EXTL3: variants seen among roughly 807,000 people sequenced by gnomAD.
EXTL3 encodes the protein exostosin-like 3.
In EXTL3, 27 loss-of-function variants were observed where a neutral mutation model predicts 69.3. The observed-to-expected ratio is 0.39, with a 90% CI of 0.29 to 0.54. EXTL3 has a LOEUF of 0.54. EXTL3 is among the 20% of genes least tolerant of loss of function. EXTL3 has a pLI of 0.69. For synonymous variants in EXTL3, 511 were observed against 499.4 expected (o/e 1.02, Z -0.31); for missense variants, 1,003 against 1,231.8 (o/e 0.81, Z 2.78).
chr8:28,742,746 T>TTG, intron 5 of EXTL3: 1 of 271,894 alleles, frequency 3.7e-6, no homozygotes, highest in Non-Finnish European at 7.2e-6. Flanking sequence ...TTTTTTTTTT[T>TTG]GGCCATTGTT....
At chr8:28,661,349 A>G (rs1052375979) in intron 1 of EXTL3, among the ~76,000 whole-genome samples, 1 of 149,738 alleles carries the variant, frequency 6.7e-6, no homozygotes, top group Non-Finnish European at 1.5e-5. Flanking sequence ...TGTTTTATAT[A>G]TATATATACA....
At chr8:28,743,019 T>G in intron 5 of EXTL3, 67 bp from the exon 6 acceptor site, 5 of 1,594,750 alleles carry the variant, frequency 3.1e-6, no homozygotes, top group Non-Finnish European at 4.3e-6. Context: ...TCCATGCATA[T>G]TTTGGCTGAA....
Position 28,628,941 on chromosome 8 carries a change from C to T in EXTL3, c.-53+6131C>T, listed in dbSNP as rs553942554. Among the ~76,000 whole-genome samples the T allele has an allele frequency of 7.2e-5, 11 of 152,304 alleles. No individual in the cohort carries two copies. In the South Asian group the frequency reaches 2.3e-3, roughly 32 times the overall value. On this transcript the variant is annotated intron_variant, in intron 1 of 6. Coordinates refer to the EXTL3 transcript ENST00000523149. The stretch of plus-strand genomic sequence containing the variant: ...ACCAGGAAGATTAAAATGGGCATCT[C>T]ATAGATTCCAGCCCAAGGAAAGAAT...
intron 2 of EXTL3, among the ~76,000 whole-genome samples, chr8:28,611,989 G>C (rs1052681579): frequency 6.6e-6 from 1 of 152,182 alleles, no homozygotes; most frequent in Non-Finnish European, 1.5e-5. Context: ...CTTCACTGAC[G>C]TGTGCCCGCC....
At chr8:28,689,950 A>G (rs1362891473) in intron 1 of EXTL3, among the ~76,000 whole-genome samples, 1 of 152,192 alleles carries the variant, frequency 6.6e-6, no homozygotes, top group African/African-American at 2.4e-5. Context: ...AAGCCAGGGT[A>G]AAGGAGATCA....
At chr8:28,684,524 C>T (rs1807545558) in intron 1 of EXTL3, among the ~76,000 whole-genome samples, 1 of 152,076 alleles carries the variant, frequency 6.6e-6, no homozygotes, top group Admixed American at 6.6e-5. Flanking sequence ...GGGAGGATTG[C>T]TTGAGGATAG....
chr8:28,614,672 A>G (rs1372455473), intron 2 of EXTL3, among the ~76,000 whole-genome samples: 1 of 152,056 alleles, frequency 6.6e-6, no homozygotes, highest in East Asian at 1.9e-4. Flanking sequence ...TCTCCATTCA[A>G]TGCTATAAAT....
chr8:28,749,582 A>G (rs559597569), intron 6 of EXTL3, among the ~76,000 whole-genome samples: 1 of 152,294 alleles, frequency 6.6e-6, no homozygotes, highest in South Asian at 2.1e-4. Context: ...GTTCATGGCT[A>G]TCTTGCAGGA....
Position 28,717,964 on chromosome 8 carries a change from C to A in EXTL3, c.1905C>A (p.Gly635=). 6.2e-7 allele frequency: 1 copy of A among 1,614,206 alleles called. No homozygotes were observed. Residue 635 remains glycine (G), a synonymous_variant, in exon 3 of 7, where the codon GGC becomes GGA. Coordinates refer to ENST00000220562, the MANE Select transcript of EXTL3 (RefSeq NM_001440.4). The surrounding 1 kb of genome is among the most constrained non-coding windows in gnomAD (Gnocchi z 8.3). ...CCAAATTCTTGGGCTCAGGGACTGG[C>A]TTTCGGCCTATTGGTGGTGGAGCTG... ...SEAKFLGSGT[G]FRPIGGGAGG...
rs372252991 is a variant in EXTL3, at chr8:28,671,824, T to G, written c.-52-41633T>G. 7.4e-4 allele frequency among the ~76,000 whole-genome samples: 113 copies of G among 152,292 alleles called. 3 individuals are homozygous for G. The South Asian group carries it at 0.022, about 30-fold the overall frequency. ...AAATAACATTGTGGGCATGATTTCT[T>G]TATCGTACGGTGAATTCAGCCTTGC... is the stretch of plus-strand genomic sequence containing the variant. On this transcript the variant is annotated intron_variant, in intron 1 of 6. Coordinates refer to the EXTL3 transcript ENST00000523149.
At chr8:28,617,647 G>A (rs1430358047) in intron 2 of EXTL3, among the ~76,000 whole-genome samples, 1 of 152,180 alleles carries the variant, frequency 6.6e-6, no homozygotes, top group East Asian at 1.9e-4. Flanking sequence ...AGCCAGGTGT[G>A]ATGGCACATG....
intron 1 of EXTL3, among the ~76,000 whole-genome samples, chr8:28,703,650 A>G (rs1800859476): frequency 6.6e-6 from 1 of 152,032 alleles, no homozygotes; most frequent in Non-Finnish European, 1.5e-5. Flanking sequence ...TCCCTGATGT[A>G]GACTCAGGTG....
intron 1 of EXTL3, among the ~76,000 whole-genome samples, chr8:28,625,977 A>G (rs909745202): frequency 6.8e-5 from 9 of 132,156 alleles, no homozygotes; most frequent in Non-Finnish European, 1.1e-4. Flanking sequence ...CTTGGGCAAT[A>G]TAGTGAGACC....
At chr8:28,647,945 C>T (rs1000247546) in intron 1 of EXTL3, among the ~76,000 whole-genome samples, 3 of 23,988 alleles carry the variant, frequency 1.3e-4, no homozygotes, top group African/African-American at 6.4e-4. Context: ...GGTGGGGGCA[C>T]TAGATGGGTT....
upstream of EXTL3, among the ~76,000 whole-genome samples, chr8:28,622,200 C>A (rs1445213452): frequency 1.3e-5 from 2 of 152,234 alleles, no homozygotes; most frequent in Non-Finnish European, 2.9e-5. Flanking sequence ...CGAAAGCTTG[C>A]CCTAGTCTTA....
At chr8:28,724,147 A>T (rs1209962788) in intron 3 of EXTL3, among the ~76,000 whole-genome samples, 2 of 152,284 alleles carry the variant, frequency 1.3e-5, no homozygotes, top group East Asian at 3.9e-4. Context: ...ATATCATGTT[A>T]TAATAATTGT....
intron 1 of EXTL3, among the ~76,000 whole-genome samples, chr8:28,708,133 A>G (rs1800959819): frequency 6.6e-6 from 1 of 152,228 alleles, no homozygotes; most frequent in East Asian, 1.9e-4. Context: ...TTCCCTTTCA[A>G]ACAGCCCTGT....
intron 1 of EXTL3, among the ~76,000 whole-genome samples, chr8:28,626,735 G>A (rs1426185790): frequency 6.6e-6 from 1 of 152,206 alleles, no homozygotes; most frequent in Non-Finnish European, 1.5e-5. Flanking sequence ...TCCAGGTGCA[G>A]TCTTTTCATA....
chr8:28,625,391 G>C (rs1277964718), intron 1 of EXTL3, among the ~76,000 whole-genome samples: 1 of 152,186 alleles, frequency 6.6e-6, no homozygotes, highest in Non-Finnish European at 1.5e-5. Flanking sequence ...AACGCAGAAA[G>C]AACAATAGAG....
Sources: allele counts gnomAD v4.1 joint callset (sites outside exome capture counted in the v4.1 genomes callset), GRCh38; gene constraint gnomAD v4.1.1; non-coding constraint Gnocchi (gnomAD v3.1); transcripts MANE v1.5; gene names NCBI Gene and HGNC (gene_info 2026-07-23, HGNC 2026-07-21).